The following ANKDD1A variants were observed in gnomAD, a reference collection of about 807,000 sequenced individuals.
ANKDD1A encodes ankyrin repeat and death domain-containing protein 1A.
Under a neutral mutation model 63.5 loss-of-function variants are expected in ANKDD1A, and 59 were observed. The observed-to-expected ratio is 0.93, with a 90% CI of 0.75 to 1.15. The LOEUF is 1.15. Among genes scored for constraint, ANKDD1A ranks in the 50% most tolerant of loss-of-function variants. ANKDD1A has a pLI of 0.00. For synonymous variants in ANKDD1A, 266 were observed against 263.9 expected, an observed-to-expected ratio of 1.01 and a Z score of -0.08; for missense variants, 632 against 656.4, an observed-to-expected ratio of 0.96 and a Z score of 0.41.
chr15:64,952,406 CT>C (rs2085307734), intron 14 of ANKDD1A, among the ~76,000 whole-genome samples: 6 of 3,274 alleles, frequency 1.8e-3, no homozygotes, highest in Non-Finnish European at 0.016. Flanking sequence ...CCTCCTTCTT[CT>C]TCTTCTCCTT....
intron 1 of ANKDD1A, among the ~76,000 whole-genome samples, chr15:64,914,446 C>A (rs1296188273): frequency 6.6e-6 from 1 of 152,232 alleles, no homozygotes; most frequent in Non-Finnish European, 1.5e-5. Context: ...TGCCACCACA[C>A]CTGGCTAATT....
rs2084965078 is a variant in ANKDD1A at position 64,915,889 on chromosome 15, GCCAGAAA to G, written c.131_137del (p.Arg44ThrfsTer35). 2 of 1,613,542 alleles carry G rather than the reference GCCAGAAA, an allele frequency of 1.2e-6. No individual in the cohort carries two copies. Among genetic ancestry groups the G allele is most frequent in the South Asian group, 2.2e-5 (2 of 91,022 alleles). On this transcript the variant is annotated frameshift_variant, in exon 2 of 15. Transcript: ENST00000319580. LOFTEE classifies it high-confidence loss of function. ...GATTGGGAGGAGGGTTAACACCAGGGCCAGAAACCACGTGCGTAATGAGCTTCTCTGA... is the reference window on the plus strand; with the variant it reads ...GATTGGGAGGAGGGTTAACACCAGGGCCACGTGCGTAATGAGCTTCTCTGA...
rs1351849555 is a variant in ANKDD1A at position 64,957,916 on chromosome 15, T to TAAAA, written c.*729_*732dup. 10 of 152,128 alleles carry TAAAA rather than the reference T, an allele frequency of 6.6e-5. No homozygotes were observed. Among genetic ancestry groups the TAAAA allele is most frequent in the African/African-American group, 2.4e-4 (10 of 41,416 alleles). 9.4% of individuals were successfully genotyped at this position (152,128 alleles called of 1,614,324 possible). ...AAATTAGAAAACATATTTGCATAAA[T>TAAAA]AAAAGCTAGACAAAGGCTAAGAAAC... On this transcript the variant is annotated 3_prime_UTR_variant, in exon 15 of 15. Coordinates refer to ENST00000319580, the MANE Select transcript of ANKDD1A (RefSeq NM_182703.6).
intron 9 of ANKDD1A, among the ~76,000 whole-genome samples, chr15:64,939,729 G>A (rs2085165562): frequency 6.6e-6 from 1 of 152,212 alleles, no homozygotes. Flanking sequence ...AGATGCAAAA[G>A]CAATTCAGTG....
In ANKDD1A at chr15:64,930,921, G is replaced by T; in HGVS notation, c.669+1G>T. The T allele has an allele frequency of 6.2e-7, 1 of 1,610,348 alleles. No individual in the cohort carries two copies. The highest frequency in any genetic ancestry group is 8.5e-7 in the Non-Finnish European group (1 of 1,179,886). On this transcript the variant is annotated splice_donor_variant, in intron 7 of 14. Coordinates refer to ENST00000319580, the MANE Select transcript of ANKDD1A (RefSeq NM_182703.6). LOFTEE classifies it high-confidence loss of function. ...GCTGGACCTGGAGGAGCAGAATGCGGTGAGTCACCGCCTGGGGATGGCGAG... is the reference window on the plus strand; with the variant it reads ...GCTGGACCTGGAGGAGCAGAATGCGTTGAGTCACCGCCTGGGGATGGCGAG...
Position 64,947,439 on chromosome 15 carries a change from C to T in ANKDD1A, c.1197C>T (p.Ser399=), listed in dbSNP as rs781079128. The part of the protein sequence containing the change: ...HPSDPSGKSL[S]FKQDHRQETQ... Reference sequence around the variant, plus strand: ...GTGATCCCTCTGGGAAGAGCTTGTCCTTTAAGCAGGACCATCGGCAGGAAA... The same window carrying T: ...GTGATCCCTCTGGGAAGAGCTTGTCTTTTAAGCAGGACCATCGGCAGGAAA... Residue 399 remains serine, a synonymous_variant, in exon 13 of 15, where the codon TCC becomes TCT. Transcript: ENST00000319580. 24 of 1,613,966 alleles carry T rather than the reference C, an allele frequency of 1.5e-5. No individual in the cohort carries two copies. The highest frequency in any genetic ancestry group is 2.7e-5 in the African/African-American group (2 of 74,924).
Position 64,951,392 on chromosome 15 carries a change from TTCCTC to T in ANKDD1A, c.1483+1422_1483+1426del, listed in dbSNP as rs1566915517. 9.3e-3 allele frequency: 2,469 copies of T among 264,844 alleles called. 33 individuals carry two copies. Among genetic ancestry groups the T allele is most frequent in the Non-Finnish European group, 0.011 (2,217 of 202,412 alleles). 16.4% of individuals were successfully genotyped at this position (264,844 alleles called of 1,614,324 possible). ...TTTCTTCTTTCTTTTTCTTTTCTTC[TTCCTC>T]TTTTTTCTTTTTTCTTTTCTTCCTC... On this transcript the variant is annotated intron_variant, in intron 14 of 14. Transcript: ENST00000319580.
intron 6 of ANKDD1A, among the ~76,000 whole-genome samples, chr15:64,927,703 C>T (rs1028634467): frequency 6.7e-6 from 1 of 149,550 alleles, no homozygotes; most frequent in African/African-American, 2.5e-5. Flanking sequence ...CTCCCGGGTT[C>T]ACACCATTCT....
At chr15:64,948,879 A>G (rs1171150613) in intron 13 of ANKDD1A, among the ~76,000 whole-genome samples, 2 of 151,924 alleles carry the variant, frequency 1.3e-5, no homozygotes, top group African/African-American at 2.4e-5. Context: ...TGACATTTGC[A>G]TATCAATTTG....
At chr15:64,929,739 AC>A (rs1336426119) in intron 6 of ANKDD1A, among the ~76,000 whole-genome samples, 1 of 152,196 alleles carries the variant, frequency 6.6e-6, no homozygotes, top group East Asian at 1.9e-4. Flanking sequence ...TTGGCCATGT[AC>A]CCCCGGCCCT....
Position 64,949,893 on chromosome 15 carries a change from T to A in ANKDD1A, c.1404T>A (p.His468Gln), listed in dbSNP as rs772373247. 6.2e-7 allele frequency: 1 copy of A among 1,606,588 alleles called. No individual in the cohort carries two copies. The highest frequency in any genetic ancestry group is 8.5e-7 in the Non-Finnish European group (1 of 1,179,964). The change falls in exon 14 of 15, where the codon CAT becomes CAA. Residue 468 changes from histidine (H) to glutamine (Q), a missense_variant. Coordinates refer to ENST00000319580, the MANE Select transcript of ANKDD1A (RefSeq NM_182703.6). Reference protein sequence around the residue: ...HGHRMLLIWLHGVATAGENPS... With the variant: ...HGHRMLLIWLQGVATAGENPS... ...ACCGAATGCTGCTCATTTGGCTGCA[T>A]GGCGTGGCCACGGCTGGTGAGAACC... is the stretch of plus-strand genomic sequence containing the variant.
intron 9 of ANKDD1A, among the ~76,000 whole-genome samples, chr15:64,938,948 A>T (rs1215824725): frequency 6.6e-6 from 1 of 151,394 alleles, no homozygotes; most frequent in Non-Finnish European, 1.5e-5. Context: ...CCATCTCAAA[A>T]AAAAAAAAAA....
chr15:64,941,169 C>T (rs2085182166), intron 9 of ANKDD1A, among the ~76,000 whole-genome samples: 1 of 152,076 alleles, frequency 6.6e-6, no homozygotes. Flanking sequence ...GTCATTGTGA[C>T]TAGAATATCT....
intron 14 of ANKDD1A, 65 bp from the exon 15 acceptor site, chr15:64,957,038 G>A (rs1471193462): frequency 2.0e-5 from 9 of 446,240 alleles, no homozygotes; most frequent in Non-Finnish European, 3.6e-5. Flanking sequence ...ATCTTTCTGA[G>A]CTACACTTTA....
chr15:64,930,033 G>C (rs1239713123), intron 6 of ANKDD1A, among the ~76,000 whole-genome samples: 1 of 152,092 alleles, frequency 6.6e-6, no homozygotes, highest in Non-Finnish European at 1.5e-5. Flanking sequence ...TCATAAGTGG[G>C]AGCTGAACAA....
chr15:64,954,490 TCTCC>T (rs2140393456), intron 14 of ANKDD1A, among the ~76,000 whole-genome samples: 1 of 145,024 alleles, frequency 6.9e-6, no homozygotes, highest in African/African-American at 2.7e-5. Flanking sequence ...TCTTCTTCCT[TCTCC>T]TTCTTCTTCC....
At chr15:64,930,725 T>C in intron 6 of ANKDD1A, 97 bp from the exon 7 acceptor site, 1 of 1,193,936 alleles carries the variant, frequency 8.4e-7, no homozygotes, top group Non-Finnish European at 1.2e-6. Context: ...AGGAGCAGGG[T>C]GGCACTGACC....
At chr15:64,943,159 A>G in intron 10 of ANKDD1A, 1 of 294,538 alleles carries the variant, frequency 3.4e-6, no homozygotes, top group Non-Finnish European at 6.4e-6. Context: ...TCAGTCTTCA[A>G]TTTGAAAATG....
chr15:64,937,637 A>T (rs2085145535), intron 9 of ANKDD1A, among the ~76,000 whole-genome samples: 3 of 152,188 alleles, frequency 2.0e-5, no homozygotes. Flanking sequence ...CTGAGGCAGA[A>T]GAATCGCTTG....
Sources: gnomAD v4.1 joint callset for allele counts (sites outside exome capture counted in the v4.1 genomes callset) on GRCh38, gnomAD v4.1.1 for gene constraint, MANE v1.5 for transcripts, NCBI Gene and HGNC (gene_info 2026-07-23, HGNC 2026-07-21) for gene names.